The following P2RX1 variants were observed in gnomAD, a reference collection of about 807,000 sequenced individuals.
P2RX1 encodes the protein P2X purinoceptor 1.
P2RX1 carries 42 observed loss-of-function variants against 50.3 expected under a neutral mutation model. The observed-to-expected ratio is 0.83, with a 90% CI of 0.65 to 1.08. The LOEUF (loss-of-function observed/expected upper bound fraction) is 1.08. P2RX1 is among the 50% of genes least tolerant of loss of function. P2RX1 has a pLI of 0.00. For synonymous variants in P2RX1, 199 were observed against 202.6 expected, an observed-to-expected ratio of 0.98 and a Z score of 0.15; for missense variants, 449 against 529.0, an observed-to-expected ratio of 0.85 and a Z score of 1.48.
intron 1 of P2RX1, among the ~76,000 whole-genome samples, chr17:3,906,479 G>GA (rs1182443731): frequency 6.6e-6 from 1 of 152,196 alleles, no homozygotes; most frequent in Non-Finnish European, 1.5e-5. Flanking sequence ...CATACATGTA[G>GA]AAACACTCAG....
rs2056411233 is a variant in P2RX1 at position 3,914,170 on chromosome 17, C to G, written c.137+1919G>C. 6.6e-6 allele frequency among the ~76,000 whole-genome samples: 1 copy of G among 152,164 alleles called. No individual in the cohort carries two copies. Among genetic ancestry groups the G allele is most frequent in the African/African-American group, 2.4e-5 (1 of 41,422 alleles). ...AGTGCCCTCTCTCTGAGGAGGTTGC[C>G]TTTCCAGAATATCAAGGCTGACTTT... On this transcript the variant is annotated intron_variant, in intron 1 of 11. Transcript: ENST00000225538. The surrounding 1 kb of genome is among the most constrained non-coding windows in gnomAD (Gnocchi z 4.1).
chr17:3,912,811 C>G (rs1007110956), intron 1 of P2RX1, among the ~76,000 whole-genome samples: 10 of 152,176 alleles, frequency 6.6e-5, no homozygotes, highest in African/African-American at 2.4e-4. Flanking sequence ...GTTTCTCCCC[C>G]CAATAATTTC....
chr17:3,901,989 G>C (rs2056157004), intron 7 of P2RX1, among the ~76,000 whole-genome samples: 3 of 152,226 alleles, frequency 2.0e-5, no homozygotes. Flanking sequence ...TTGGGGCAGA[G>C]CTGGGATTTG....
chr17:3,897,563 G>A lies in P2RX1; in HGVS notation c.*251C>T, dbSNP rs1047430. On this transcript the variant is annotated 3_prime_UTR_variant, in exon 12 of 12. Transcript: ENST00000225538. ...CAGGTGTGTGGGAGGGTCCTGCCCA[G>A]CCCCAGCCATTCCCCACCAGGAGCG... 1.5e-5 allele frequency: 9 copies of A among 585,208 alleles called. No homozygotes were observed. The South Asian group carries it at 1.8e-4, about 11-fold the overall frequency. The allele number at this position is 585,208 out of a possible 1,614,324, so 36.3% of individuals were successfully genotyped here.
chr17:3,898,583 C>T (rs777631623), intron 9 of P2RX1, 34 bp from the exon 10 acceptor site: 12 of 1,559,276 alleles, frequency 7.7e-6, no homozygotes, highest in Middle Eastern at 1.7e-4. Flanking sequence ...AAGGGCTAAC[C>T]GTCGGAAGGG....
chr17:3,902,989 G>A (rs1260253749), intron 7 of P2RX1, among the ~76,000 whole-genome samples: 9 of 150,744 alleles, frequency 6.0e-5, no homozygotes, highest in East Asian at 5.8e-4. Context: ...GCCCACATCC[G>A]TTCATTCTGG....
rs1772998707 is a variant in P2RX1, at chr17:3,901,388, G to T, written c.748-1627C>A. ...AGCCCTGATGACAGGGAGATTTTTA[G>T]GAACAGGGAGGTCTAACATTCAGCA... On this transcript the variant is annotated intron_variant, in intron 7 of 11. Transcript: ENST00000225538. 3.3e-5 allele frequency among the ~76,000 whole-genome samples: 5 copies of T among 152,172 alleles called. 1 individual carries two copies. The South Asian group carries it at 1.0e-3, about 32-fold the overall frequency.
At chr17:3,907,328 T>TGTGTGTGTG (rs1555548651) in intron 1 of P2RX1, among the ~76,000 whole-genome samples, 1 of 148,740 alleles carries the variant, frequency 6.7e-6, no homozygotes, top group Non-Finnish European at 1.5e-5. Context: ...TGTGTGTGTG[T>TGTGTGTGTG]TGGGGTATGG....
In P2RX1 at chr17:3,906,298, A is replaced by AT. The variant is rs1226685773; in HGVS notation, c.138-932dup. 2.0e-5 allele frequency among the ~76,000 whole-genome samples: 3 copies of AT among 151,958 alleles called. No homozygotes were observed. The South Asian group carries it at 6.2e-4, about 32-fold the overall frequency. ...AGGCATGCACCACCACGCCCAGCTAATTTTTTGTATTTTTAGTAGAGATGG... is the reference window on the plus strand; with the variant it reads ...AGGCATGCACCACCACGCCCAGCTAATTTTTTTGTATTTTTAGTAGAGATGG... On this transcript the variant is annotated intron_variant, in intron 1 of 11. Coordinates refer to ENST00000225538, the MANE Select transcript of P2RX1 (RefSeq NM_002558.4).
At position 3,903,816 on chromosome 17, in the gene P2RX1, G is replaced by T; in HGVS notation, c.524+112C>A. 1 of 1,124,418 alleles carries T rather than the reference G, an allele frequency of 8.9e-7. No individual in the cohort carries two copies. The highest frequency in any genetic ancestry group is 1.3e-6 in the Non-Finnish European group (1 of 745,762). 69.7% of individuals were successfully genotyped at this position (1,124,418 alleles called of 1,614,324 possible). The stretch of plus-strand genomic sequence containing the variant: ...GGGAATCTTCAGCCTAGGTTGCGCG[G>T]ATGGGGTGAGGGTGGGGTCAGAAAA... On this transcript the variant is annotated intron_variant, in intron 5 of 11. Transcript: ENST00000225538. This position sits in a 1 kb window ranked among gnomAD's most constrained non-coding sequence, Gnocchi z 4.6.
chr17:3,898,805 G>A (rs1344170648), intron 9 of P2RX1, 129 bp downstream of exon 9: 7 of 830,320 alleles, frequency 8.4e-6, no homozygotes, highest in Non-Finnish European at 1.5e-5. Flanking sequence ...ATGACCATCT[G>A]TTATTAGAAG....
At position 3,903,874 on chromosome 17, in the gene P2RX1, C is replaced by A; in HGVS notation, c.524+54G>T. ...AAGATCCTTTCTAGACCTAGGCCCC[C>A]CTCTGTCTGGCCTGGGACCCTGTTC... On this transcript the variant is annotated intron_variant, in intron 5 of 11. Coordinates refer to ENST00000225538, the MANE Select transcript of P2RX1 (RefSeq NM_002558.4). The surrounding 1 kb of genome is among the most constrained non-coding windows in gnomAD (Gnocchi z 4.6). The A allele has an allele frequency of 7.0e-7, 1 of 1,427,640 alleles. No individual in the cohort carries two copies. Among genetic ancestry groups the A allele is most frequent in the Non-Finnish European group, 9.9e-7 (1 of 1,009,962 alleles). The allele number at this position is 1,427,640 out of a possible 1,614,324, so 88.4% of individuals were successfully genotyped here.
chr17:3,902,886 G>A (rs958400057), intron 7 of P2RX1, among the ~76,000 whole-genome samples: 2 of 151,612 alleles, frequency 1.3e-5, no homozygotes, highest in African/African-American at 4.9e-5. Context: ...TGGGATTATA[G>A]GCACGACCCT....
At chr17:3,897,946 C>T in intron 11 of P2RX1, 63 bp downstream of exon 11, 4 of 1,608,716 alleles carry the variant, frequency 2.5e-6, no homozygotes, top group Non-Finnish European at 3.4e-6. Flanking sequence ...CCACGCCCCC[C>T]ACCCCAACAC....
At chr17:3,916,007 G>A in intron 1 of P2RX1, 82 bp downstream of exon 1, 1 of 1,501,902 alleles carries the variant, frequency 6.7e-7, no homozygotes, top group Non-Finnish European at 9.2e-7. Context: ...GGGCTCGCTG[G>A]TGTCACGCAA....
chr17:3,910,856 T>G (rs984214313), intron 1 of P2RX1, among the ~76,000 whole-genome samples: 1 of 152,224 alleles, frequency 6.6e-6, no homozygotes, highest in African/African-American at 2.4e-5. Flanking sequence ...ACTTCTGTAT[T>G]TTTAGTGTCT....
chr17:3,898,156 G>A, intron 10 of P2RX1, 46 bp from the exon 11 acceptor site: 1 of 1,524,012 alleles, frequency 6.6e-7, no homozygotes, highest in South Asian at 1.1e-5. Context: ...ATCCGGGGGT[G>A]GGTACGGAGC....
At position 3,903,305 on chromosome 17, in the gene P2RX1, T is replaced by C; in HGVS notation, c.644A>G (p.Lys215Arg). Reference sequence around the variant, plus strand: ...CAGGGTCTTGTGAAAGAGGCAGGTCTTCATGTGGGCAGCATTCACCTCCTC... The same window carrying C: ...CAGGGTCTTGTGAAAGAGGCAGGTCCTCATGTGGGCAGCATTCACCTCCTC... Reference protein sequence around the residue: ...LVEEVNAAHMKTCLFHKTLHP... With the variant: ...LVEEVNAAHMRTCLFHKTLHP... Residue 215 changes from lysine to arginine, a missense_variant, in exon 7 of 12, where the codon AAG becomes AGG. By Grantham distance (26) the Lys-to-Arg change is conservative. Transcript: ENST00000225538. The surrounding 1 kb of genome is among the most constrained non-coding windows in gnomAD (Gnocchi z 4.6). The C allele has an allele frequency of 1.9e-6, 3 of 1,614,132 alleles. No homozygotes were observed. The highest frequency in any genetic ancestry group is 2.5e-6 in the Non-Finnish European group (3 of 1,180,022).
intron 7 of P2RX1, among the ~76,000 whole-genome samples, chr17:3,900,609 A>G (rs1567649240): frequency 1.3e-5 from 2 of 152,136 alleles, no homozygotes; most frequent in East Asian, 1.9e-4. Flanking sequence ...TTATTTATTT[A>G]TTTATTTTCG....
Sources: gnomAD v4.1 joint callset for allele counts (sites outside exome capture counted in the v4.1 genomes callset) on GRCh38, gnomAD v4.1.1 for gene constraint, Gnocchi (gnomAD v3.1) non-coding constraint, MANE v1.5 for transcripts, NCBI Gene and HGNC (gene_info 2026-07-23, HGNC 2026-07-21) for gene names.